Variants in KIF13B observed in about 807,000 individuals in gnomAD.
KIF13B encodes kinesin-like protein KIF13B.
Under a neutral mutation model 222.0 loss-of-function variants are expected in KIF13B, and 127 were observed. The observed-to-expected ratio is 0.57, with a 90% CI of 0.50 to 0.66. The LOEUF is 0.66. KIF13B is among the 30% of genes least tolerant of loss of function. KIF13B has a pLI of 0.00. For synonymous variants in KIF13B, 976 were observed against 919.0 expected, an observed-to-expected ratio of 1.06 and a Z score of -1.12; for missense variants, 2,173 against 2,379.0, an observed-to-expected ratio of 0.91 and a Z score of 1.80.
At chr8:29,114,884 G>T (rs560947141) in intron 31 of KIF13B, among the ~76,000 whole-genome samples, 3 of 152,140 alleles carry the variant, frequency 2.0e-5, no homozygotes, top group Non-Finnish European at 4.4e-5. Context: ...GTCTAATTCC[G>T]AAATGGAAAA....
intron 36 of KIF13B, among the ~76,000 whole-genome samples, chr8:29,097,929 T>C (rs561098596): frequency 1.1e-3 from 163 of 152,104 alleles, no homozygotes; most frequent in African/African-American, 3.8e-3. Context: ...CCCAGCACTT[T>C]GGGAGGCCAA....
chr8:29,213,085 G>C, intron 2 of KIF13B, among the ~76,000 whole-genome samples: 1 of 152,086 alleles, frequency 6.6e-6, no homozygotes, highest in East Asian at 1.9e-4. Flanking sequence ...TTTATGGTCT[G>C]CCTTGAACAT....
chr8:29,185,606 A>G (rs1347991713), intron 6 of KIF13B, among the ~76,000 whole-genome samples: 1 of 152,218 alleles, frequency 6.6e-6, no homozygotes, highest in East Asian at 1.9e-4. Flanking sequence ...ACTGAGAGTC[A>G]CTATGACTCA....
chr8:29,251,838 A>G (rs1342696981), intron 1 of KIF13B, among the ~76,000 whole-genome samples: 1 of 152,226 alleles, frequency 6.6e-6, no homozygotes, highest in Non-Finnish European at 1.5e-5. Context: ...CAGTTTATTC[A>G]TAGTGAAGCC....
At chr8:29,145,934 C>T (rs1811041968) in intron 18 of KIF13B, 1 of 204,850 alleles carries the variant, frequency 4.9e-6, no homozygotes, top group African/African-American at 2.3e-5. Context: ...TGAATATATA[C>T]ATGACACCAT....
intron 37 of KIF13B, among the ~76,000 whole-genome samples, chr8:29,092,209 G>T (rs1399984317): frequency 6.6e-6 from 1 of 152,214 alleles, no homozygotes; most frequent in Non-Finnish European, 1.5e-5. Context: ...GCAGCTTCCT[G>T]ATTGTTTGGA....
At chr8:29,193,721 A>G (rs970111836) in intron 3 of KIF13B, among the ~76,000 whole-genome samples, 15 of 152,378 alleles carry the variant, frequency 9.8e-5, no homozygotes, top group Admixed American at 2.6e-4. Flanking sequence ...AAACCCACAC[A>G]TATCCTCCCA....
intron 1 of KIF13B, among the ~76,000 whole-genome samples, chr8:29,247,501 A>T (rs13260407): frequency 2.0e-5 from 3 of 152,326 alleles, no homozygotes; most frequent in Non-Finnish European, 4.4e-5. Context: ...AACTTGCATC[A>T]CAATATATAA....
rs1170259601 is a variant in KIF13B at position 29,072,173 on chromosome 8, G to A, written c.4665C>T (p.Asp1555=). 2.8e-6 allele frequency: 4 copies of A among 1,433,706 alleles called. No individual in the cohort carries two copies. The highest frequency in any genetic ancestry group is 3.0e-5 in the African/African-American group (2 of 67,278). The allele number at this position is 1,433,706 out of a possible 1,614,324, so 88.8% of individuals were successfully genotyped here. Residue 1555 remains aspartate (D), a synonymous_variant, in exon 39 of 40, where the codon GAC becomes GAT. Transcript: ENST00000524189. The part of the protein sequence containing the change: ...TAVTPAPEAQ[D]GPPSPLSEAS... Reference sequence around the variant, plus strand: ...CTTCACTCAGGGGGCTGGGGGGCCCGTCCTGTGCCTCCGGAGCCGGGGTGA... The same window carrying A: ...CTTCACTCAGGGGGCTGGGGGGCCCATCCTGTGCCTCCGGAGCCGGGGTGA...
At chr8:29,205,948 G>A (rs1020585377) in intron 2 of KIF13B, among the ~76,000 whole-genome samples, 5 of 151,538 alleles carry the variant, frequency 3.3e-5, no homozygotes, top group African/African-American at 1.2e-4. Flanking sequence ...AAACTCAGTA[G>A]GGAATAGTGG....
At chr8:29,201,939 G>A (rs1406424742) in intron 2 of KIF13B, among the ~76,000 whole-genome samples, 13 of 152,192 alleles carry the variant, frequency 8.5e-5, no homozygotes, top group Non-Finnish European at 1.2e-4. Flanking sequence ...ACTCACAACA[G>A]AAGCTTCTCA....
chr8:29,171,393 A>C (rs780633384), intron 10 of KIF13B, among the ~76,000 whole-genome samples: 10 of 152,218 alleles, frequency 6.6e-5, no homozygotes, highest in Non-Finnish European at 1.3e-4. Flanking sequence ...ACACATTAAG[A>C]GCACAACACA....
In KIF13B at chr8:29,160,718, A is replaced by G. The variant is rs531655616; in HGVS notation, c.1404+15T>C. 2.2e-5 allele frequency: 36 copies of G among 1,605,776 alleles called. No individual in the cohort carries two copies. The South Asian group carries it at 4.0e-4, about 18-fold the overall frequency. On this transcript the variant is annotated intron_variant, in intron 13 of 39. Coordinates refer to ENST00000524189, the MANE Select transcript of KIF13B (RefSeq NM_015254.4). ...TTTTGTAACAAGAATCTAGTAGCAA[A>G]GCACATTACTTCACCTTTAAATAGT...
intron 2 of KIF13B, among the ~76,000 whole-genome samples, chr8:29,211,594 T>C (rs1814229338): frequency 6.6e-6 from 1 of 152,168 alleles, no homozygotes; most frequent in Non-Finnish European, 1.5e-5. Flanking sequence ...GTCTTTGTCT[T>C]TGGCTGAGTA....
chr8:29,104,523 C>T (rs2035656315), intron 35 of KIF13B, among the ~76,000 whole-genome samples: 1 of 152,156 alleles, frequency 6.6e-6, no homozygotes, highest in African/African-American at 2.4e-5. Flanking sequence ...ATATAGTTTC[C>T]TAATGCAAAA....
At chr8:29,167,608 G>C (rs373116983) in intron 10 of KIF13B, 23 bp from the exon 11 acceptor site, 1 of 1,585,440 alleles carries the variant, frequency 6.3e-7, no homozygotes, top group South Asian at 1.1e-5. Flanking sequence ...ACAGAAAGTT[G>C]AGTAGCATAT....
chr8:29,112,345 A>G (rs1809395630), intron 32 of KIF13B, among the ~76,000 whole-genome samples: 1 of 150,856 alleles, frequency 6.6e-6, no homozygotes. Flanking sequence ...AGGCAGGAGA[A>G]TCACTTGAAC....
chr8:29,245,335 T>G lies in KIF13B; in HGVS notation c.149+11A>C, dbSNP rs1230183513. On this transcript the variant is annotated intron_variant, in intron 2 of 39. Transcript: ENST00000524189. ...AACATCCATTGAGCACAGCACTGTT[T>G]CTTAACTCACCGGGCATCTCCTTTG... is the stretch of plus-strand genomic sequence containing the variant. 1.3e-6 allele frequency: 2 copies of G among 1,568,836 alleles called. No homozygotes were observed. Among genetic ancestry groups the G allele is most frequent in the South Asian group, 2.3e-5 (2 of 86,382 alleles).
At chr8:29,203,460 G>A (rs902198674) in intron 2 of KIF13B, among the ~76,000 whole-genome samples, 4 of 152,056 alleles carry the variant, frequency 2.6e-5, no homozygotes, top group Non-Finnish European at 4.4e-5. Flanking sequence ...TGTTACTCTC[G>A]AAGAAGTATT....
Sources: gnomAD v4.1 joint callset for allele counts (sites outside exome capture counted in the v4.1 genomes callset) on GRCh38, gnomAD v4.1.1 for gene constraint, MANE v1.5 for transcripts, NCBI Gene and HGNC (gene_info 2026-07-23, HGNC 2026-07-21) for gene names.